BACH2: variants seen among roughly 807,000 people sequenced by gnomAD.
BACH2 encodes BACH transcriptional regulator 2.
In BACH2, 5 loss-of-function variants were observed where a neutral mutation model predicts 61.8. The ratio of observed to expected loss-of-function variants is 0.08; its 90% CI spans 0.04 to 0.17. The LOEUF (loss-of-function observed/expected upper bound fraction) is 0.17. Ranked by LOEUF, BACH2 falls within the 10% of genes least tolerant of loss-of-function variation. The pLI, the probability that BACH2 is intolerant of heterozygous loss-of-function variation, is 1.00. For missense variants in BACH2, 824 were observed against 1,091.1 expected (o/e 0.76, Z 3.45); for synonymous variants, 446 against 440.1 (o/e 1.01, Z -0.17).
intron 6 of BACH2, among the ~76,000 whole-genome samples, chr6:89,983,879 T>C (rs920072078): frequency 1.3e-5 from 2 of 152,180 alleles, no homozygotes; most frequent in Admixed American, 1.3e-4. Context: ...TTAGAATGGT[T>C]ATACAGTTAT....
intron 6 of BACH2, among the ~76,000 whole-genome samples, chr6:89,979,203 A>C (rs925375511): frequency 2.0e-5 from 3 of 152,228 alleles, no homozygotes; most frequent in Admixed American, 6.5e-5. Flanking sequence ...TCAAGGCTTC[A>C]GGGCTTAGTG....
intron 3 of BACH2, among the ~76,000 whole-genome samples, chr6:90,213,858 ATT>A (rs1769438248): frequency 6.6e-6 from 1 of 152,108 alleles, no homozygotes; most frequent in African/African-American, 2.4e-5. Flanking sequence ...ATTTCCTTTC[ATT>A]CTCTCCTCTT....
intron 5 of BACH2, among the ~76,000 whole-genome samples, chr6:90,029,321 G>A (rs1233993879): frequency 6.6e-6 from 1 of 152,122 alleles, no homozygotes; most frequent in Non-Finnish European, 1.5e-5. Flanking sequence ...CTCCTTATGT[G>A]TGAAATGAAG....
chr6:90,192,897 T>G (rs1360998454), intron 4 of BACH2, among the ~76,000 whole-genome samples: 1 of 152,254 alleles, frequency 6.6e-6, no homozygotes, highest in Admixed American at 6.5e-5. Context: ...GAACACTGAT[T>G]ACCTTTTTGA....
intron 4 of BACH2, among the ~76,000 whole-genome samples, chr6:90,125,864 T>G (rs902914431): frequency 3.3e-5 from 5 of 152,128 alleles, no homozygotes; most frequent in Non-Finnish European, 7.4e-5. Flanking sequence ...GCCAAATGGG[T>G]GAAAACCCAC....
intron 5 of BACH2, among the ~76,000 whole-genome samples, chr6:90,065,231 C>T (rs9344987): frequency 0.4 from 58,395 of 146,062 alleles, 12,987 homozygotes; most frequent in East Asian, 0.68. Context: ...TGGTGTAAAG[C>T]AGTAGGTCCT....
At chr6:90,115,376 T>C (rs369929182) in intron 4 of BACH2, among the ~76,000 whole-genome samples, 11 of 152,190 alleles carry the variant, frequency 7.2e-5, no homozygotes, top group Admixed American at 4.6e-4. Context: ...CACACATCTA[T>C]GACCATCTGA....
rs780434027 is a variant in BACH2 at position 89,951,269 on chromosome 6, C to T, written c.837G>A (p.Pro279=). 25 of 1,614,020 alleles carry T rather than the reference C, an allele frequency of 1.5e-5. No homozygotes were observed. Among genetic ancestry groups the T allele is most frequent in the Middle Eastern group, 1.6e-4 (1 of 6,084 alleles). The change falls in exon 7 of 9, where the codon CCG becomes CCA. Residue 279 remains proline, a synonymous_variant. Transcript: ENST00000257749. This position sits in a 1 kb window ranked among gnomAD's most constrained non-coding sequence, Gnocchi z 6.4. ...GLARGQIKSE[P]PSEENEEESI... Reference sequence around the variant, plus strand: ...TCTCTTCCTCATTCTCTTCACTGGGCGGCTCACTTTTAATCTGCCCCCTGG... The same window carrying T: ...TCTCTTCCTCATTCTCTTCACTGGGTGGCTCACTTTTAATCTGCCCCCTGG...
intron 6 of BACH2, among the ~76,000 whole-genome samples, chr6:89,995,956 A>C (rs1776823126): frequency 6.6e-6 from 1 of 152,226 alleles, no homozygotes; most frequent in Non-Finnish European, 1.5e-5. Flanking sequence ...AATTCGGAGT[A>C]AACCTTGTTC....
intron 4 of BACH2, among the ~76,000 whole-genome samples, chr6:90,116,370 C>A (rs1464144211): frequency 1.3e-5 from 2 of 152,120 alleles, no homozygotes; most frequent in Admixed American, 1.3e-4. Flanking sequence ...GAGGCTATCA[C>A]CCTTAGCAAA....
chr6:90,189,477 G>A (rs1168903298), intron 4 of BACH2, among the ~76,000 whole-genome samples: 1 of 151,926 alleles, frequency 6.6e-6, no homozygotes, highest in African/African-American at 2.4e-5. Flanking sequence ...GCGCGGTGGC[G>A]GGCGCCCGTA....
intron 3 of BACH2, among the ~76,000 whole-genome samples, chr6:90,208,886 A>C (rs1769242954): frequency 1.3e-5 from 2 of 152,228 alleles, no homozygotes. Flanking sequence ...AAAAAGGATG[A>C]GTTCATGTCC....
chr6:90,030,731 A>G (rs928777803), intron 5 of BACH2, among the ~76,000 whole-genome samples: 22 of 151,928 alleles, frequency 1.4e-4, no homozygotes, highest in Admixed American at 6.6e-5. Context: ...CAACCAAAAA[A>G]AGTCCAGGAC....
At chr6:90,272,335 C>A (rs1234283772) in intron 1 of BACH2, among the ~76,000 whole-genome samples, 1 of 151,650 alleles carries the variant, frequency 6.6e-6, no homozygotes, top group Non-Finnish European at 1.5e-5. Context: ...GCTCCTCTTT[C>A]TCCTTCTGCT....
intron 4 of BACH2, among the ~76,000 whole-genome samples, chr6:90,196,713 A>T (rs1768772318): frequency 6.6e-6 from 1 of 152,132 alleles, no homozygotes; most frequent in Admixed American, 6.6e-5. Flanking sequence ...ATGACACGCG[A>T]TGATACTTTA....
At chr6:90,294,250 A>T (rs557936196) in intron 1 of BACH2, among the ~76,000 whole-genome samples, 6 of 152,342 alleles carry the variant, frequency 3.9e-5, no homozygotes, top group Admixed American at 3.9e-4. Context: ...CACATTCATG[A>T]TTACCAAATG....
At chr6:90,230,269 T>G (rs1038116365) in intron 3 of BACH2, among the ~76,000 whole-genome samples, 2 of 152,254 alleles carry the variant, frequency 1.3e-5, no homozygotes, top group Non-Finnish European at 2.9e-5. Flanking sequence ...CTTGACTGAC[T>G]GAATCCATTT....
intron 8 of BACH2, among the ~76,000 whole-genome samples, chr6:89,937,193 A>G (rs1345099034): frequency 6.6e-6 from 1 of 152,128 alleles, no homozygotes; most frequent in East Asian, 1.9e-4. Flanking sequence ...CAGAACTGCA[A>G]AAGAAAGGAC....
At chr6:90,279,241 G>A (rs531355880) in intron 1 of BACH2, among the ~76,000 whole-genome samples, 1 of 151,898 alleles carries the variant, frequency 6.6e-6, no homozygotes, top group African/African-American at 2.4e-5. Context: ...AAAAGAATAC[G>A]GCCAGGCACG....
Sources: gnomAD v4.1 joint callset for allele counts (sites outside exome capture counted in the v4.1 genomes callset) on GRCh38, gnomAD v4.1.1 for gene constraint, Gnocchi (gnomAD v3.1) non-coding constraint, MANE v1.5 for transcripts, NCBI Gene and HGNC (gene_info 2026-07-23, HGNC 2026-07-21) for gene names.